Variants in NFIB observed in about 807,000 individuals in gnomAD.
NFIB encodes the protein nuclear factor 1 B-type.
NFIB carries 11 observed loss-of-function variants against 61.5 expected under a neutral mutation model. The observed-to-expected ratio is 0.18, with a 90% CI of 0.11 to 0.30. NFIB has a LOEUF of 0.30. NFIB is among the 10% of genes least tolerant of loss of function. NFIB has a pLI of 1.00. For synonymous variants in NFIB, 260 were observed against 216.5 expected (o/e 1.20, Z -1.76); for missense variants, 471 against 608.9 (o/e 0.77, Z 2.38).
chr9:14,281,044 T>C (rs2058340512), intron 2 of NFIB, among the ~76,000 whole-genome samples: 1 of 152,186 alleles, frequency 6.6e-6, no homozygotes, highest in Non-Finnish European at 1.5e-5. Flanking sequence ...ATTATATTTT[T>C]CTAGAAAAAT....
At chr9:14,273,887 G>A (rs897639128) in intron 2 of NFIB, among the ~76,000 whole-genome samples, 4 of 152,110 alleles carry the variant, frequency 2.6e-5, no homozygotes, top group Non-Finnish European at 4.4e-5. Context: ...TGGTGCCCCC[G>A]AAATTGTTCA....
chr9:14,396,408 T>C (rs2061687465), intron 1 of NFIB, among the ~76,000 whole-genome samples: 2 of 152,162 alleles, frequency 1.3e-5, no homozygotes, highest in Non-Finnish European at 1.5e-5. Context: ...CCAGGAACTG[T>C]TGGCACGCCT....
chr9:14,321,929 A>C (rs2060670887), intron 1 of NFIB: 1 of 1,231,742 alleles, frequency 8.1e-7, no homozygotes, highest in African/African-American at 1.5e-5. Context: ...CCATCAGTTC[A>C]AAGCCACATA....
At chr9:14,346,071 C>T (rs2132889349) in intron 1 of NFIB, among the ~76,000 whole-genome samples, 1 of 152,254 alleles carries the variant, frequency 6.6e-6, no homozygotes, top group African/African-American at 2.4e-5. Context: ...TGATCCCCGG[C>T]GCGCACAGTA....
At chr9:14,287,185 A>C (rs1469962552) in intron 2 of NFIB, among the ~76,000 whole-genome samples, 1 of 150,826 alleles carries the variant, frequency 6.6e-6, no homozygotes. Flanking sequence ...TAATCCCAGC[A>C]CTCTGGGAGG....
chr9:14,475,919 T>TC, the NFIB span, among the ~76,000 whole-genome samples: 3 of 152,070 alleles, frequency 2.0e-5, no homozygotes, highest in African/African-American at 7.2e-5. Flanking sequence ...TGGTAGATCT[T>TC]CCCCCACTTT....
chr9:14,519,676 T>C, the NFIB span, among the ~76,000 whole-genome samples: 1 of 152,214 alleles, frequency 6.6e-6, no homozygotes, highest in African/African-American at 2.4e-5. Context: ...GGACCCAATA[T>C]ATGCCTGGCA....
At chr9:14,239,216 T>C (rs181237347) in intron 2 of NFIB, among the ~76,000 whole-genome samples, 1 of 152,320 alleles carries the variant, frequency 6.6e-6, no homozygotes, top group East Asian at 1.9e-4. Flanking sequence ...AGGAGAACAG[T>C]AACTTAACTT....
chr9:14,208,308 A>G (rs923140461), intron 2 of NFIB, among the ~76,000 whole-genome samples: 13 of 152,152 alleles, frequency 8.5e-5, no homozygotes, highest in African/African-American at 2.7e-4. Flanking sequence ...TTTTCTTTCA[A>G]TTGGCAATCC....
At chr9:14,386,323 A>G (rs1402395400) in intron 1 of NFIB, among the ~76,000 whole-genome samples, 1 of 152,192 alleles carries the variant, frequency 6.6e-6, no homozygotes, top group Non-Finnish European at 1.5e-5. Flanking sequence ...ATATGCTTGG[A>G]TGAGTTAGTT....
At chr9:14,247,935 CTTTT>C (rs1051234569) in intron 2 of NFIB, among the ~76,000 whole-genome samples, 2 of 138,136 alleles carry the variant, frequency 1.4e-5, no homozygotes, top group Non-Finnish European at 1.6e-5. Flanking sequence ...TTCTTTTTTT[CTTTT>C]TTTTTTTTTT....
At chr9:14,235,580 T>C (rs536266745) in intron 2 of NFIB, among the ~76,000 whole-genome samples, 22 of 152,328 alleles carry the variant, frequency 1.4e-4, no homozygotes, top group African/African-American at 5.3e-4. Context: ...AGTCCAAGAA[T>C]TACGAAGCAC....
chr9:14,120,311 A>G lies in NFIB; in HGVS notation c.1245+129T>C. The G allele has an allele frequency of 9.9e-7, 1 of 1,009,124 alleles. No homozygotes were observed. The highest frequency in any genetic ancestry group is 1.5e-6 in the Non-Finnish European group (1 of 652,464). 62.5% of individuals were successfully genotyped at this position (1,009,124 alleles called of 1,614,324 possible). A position where few individuals can be genotyped will look rare whatever the true frequency, so the allele number is the denominator to read the frequency against. ...ATAAAAACTTATTGAGTCACCAAGC[A>G]ACTTCCTGAAGATGGATTTCAAGGC... On this transcript the variant is annotated intron_variant, in intron 8 of 10. Coordinates refer to ENST00000380953, the MANE Select transcript of NFIB (RefSeq NM_001190737.2). The surrounding 1 kb of genome is among the most constrained non-coding windows in gnomAD (Gnocchi z 4.4).
chr9:14,277,998 ATG>A (rs2058116647), intron 2 of NFIB, among the ~76,000 whole-genome samples: 1 of 152,128 alleles, frequency 6.6e-6, no homozygotes, highest in South Asian at 2.1e-4. Flanking sequence ...GGGGGAAGCT[ATG>A]TCCCTGCCAC....
At chr9:14,177,821 T>C (rs2046346458) in intron 3 of NFIB, among the ~76,000 whole-genome samples, 2 of 152,132 alleles carry the variant, frequency 1.3e-5, no homozygotes, top group African/African-American at 2.4e-5. Context: ...CCATGTTATA[T>C]GCAAACAGAG....
chr9:14,148,956 TAAGG>T (rs1306192061), intron 5 of NFIB, among the ~76,000 whole-genome samples: 2 of 152,166 alleles, frequency 1.3e-5, no homozygotes, highest in Non-Finnish European at 2.9e-5. Flanking sequence ...ATTACATGCA[TAAGG>T]AAGTACTAGA....
At chr9:14,166,009 T>C (rs1341845445) in intron 3 of NFIB, among the ~76,000 whole-genome samples, 2 of 152,206 alleles carry the variant, frequency 1.3e-5, no homozygotes, top group Non-Finnish European at 2.9e-5. Flanking sequence ...ATGTTACGCG[T>C]ATTTCACTAA....
intron 2 of NFIB, among the ~76,000 whole-genome samples, chr9:14,231,566 T>C (rs2053197347): frequency 6.6e-6 from 1 of 152,106 alleles, no homozygotes; most frequent in Admixed American, 6.6e-5. Flanking sequence ...TTACTCCAGG[T>C]CTATTATGAA....
chr9:14,225,324 C>T (rs1249657413), intron 2 of NFIB, among the ~76,000 whole-genome samples: 2 of 151,956 alleles, frequency 1.3e-5, no homozygotes, highest in Admixed American at 6.6e-5. Context: ...CTACATTCCT[C>T]CTCAAGAAGA....
Sources: gnomAD v4.1 joint callset for allele counts (sites outside exome capture counted in the v4.1 genomes callset) on GRCh38, gnomAD v4.1.1 for gene constraint, Gnocchi (gnomAD v3.1) non-coding constraint, MANE v1.5 for transcripts, NCBI Gene and HGNC (gene_info 2026-07-23, HGNC 2026-07-21) for gene names.